RAD51: variants seen among roughly 807,000 people sequenced by gnomAD.
RAD51 encodes the protein RAD51 recombinase.
Under a neutral mutation model 41.5 loss-of-function variants are expected in RAD51, and 14 were observed. The ratio of observed to expected loss-of-function variants is 0.34; its 90% CI spans 0.22 to 0.53. RAD51 has a LOEUF of 0.53. RAD51 is among the 20% of genes least tolerant of loss of function. The pLI, the probability that RAD51 is intolerant of heterozygous loss-of-function variation, is 0.95. For synonymous variants in RAD51, 136 were observed against 148.6 expected (o/e 0.92, Z 0.62); for missense variants, 234 against 422.0 (o/e 0.55, Z 3.90).
At chr15:40,707,783 T>A (rs1170962639) in intron 4 of RAD51, among the ~76,000 whole-genome samples, 2 of 152,102 alleles carry the variant, frequency 1.3e-5, no homozygotes, top group East Asian at 3.9e-4. Context: ...AGTGGCACAA[T>A]CTCGGCTCAT....
intron 3 of RAD51, among the ~76,000 whole-genome samples, chr15:40,704,031 T>G (rs1895167132): frequency 6.6e-6 from 1 of 151,584 alleles, no homozygotes; most frequent in African/African-American, 2.4e-5. Flanking sequence ...GCCTCCCAGG[T>G]AACTAGGACC....
At chr15:40,706,334 GGAAAGC>G in intron 4 of RAD51, 40 bp downstream of exon 4, 2 of 1,460,566 alleles carry the variant, frequency 1.4e-6, no homozygotes, top group Non-Finnish European at 1.9e-6. Context: ...ACTCTAGTTA[GGAAAGC>G]TTCCAGGTTA....
intron 6 of RAD51, among the ~76,000 whole-genome samples, chr15:40,724,670 A>AT (rs757564729): frequency 2.8e-5 from 2 of 72,026 alleles, no homozygotes; most frequent in Admixed American, 1.6e-4. Flanking sequence ...TAATTTTTTT[A>AT]TTTCTTTTTT....
intron 8 of RAD51, 76 bp from the exon 9 acceptor site, chr15:40,729,777 G>C: frequency 1.2e-6 from 2 of 1,611,720 alleles, no homozygotes; most frequent in Middle Eastern, 1.7e-4. Context: ...TTATTTTGTG[G>C]GGGAAAGTGG....
intron 6 of RAD51, among the ~76,000 whole-genome samples, chr15:40,724,803 C>G (rs1417236679): frequency 1.3e-5 from 2 of 149,572 alleles, no homozygotes; most frequent in African/African-American, 4.9e-5. Context: ...CTCAACCTCC[C>G]AAGTAGCTGG....
At position 40,731,398 on chromosome 15, in the gene RAD51, CT is replaced by C; in HGVS notation, c.*221del. 1.8e-6 allele frequency: 1 copy of C among 568,652 alleles called. No homozygotes were observed. Among genetic ancestry groups the C allele is most frequent in the South Asian group, 2.1e-5 (1 of 48,734 alleles). 35.2% of individuals were successfully genotyped at this position (568,652 alleles called of 1,614,324 possible). On this transcript the variant is annotated 3_prime_UTR_variant, in exon 10 of 10. Coordinates refer to ENST00000267868, the MANE Select transcript of RAD51 (RefSeq NM_002875.5). ...TTTATTCCTTCTGTAGTGTATTAAT[CT>C]CTGTGTGTTTTCTTTGGTTTTGGAG...
rs147515779 is a variant in RAD51, at chr15:40,704,700, C to G, written c.226-1477C>G. ...TTTTTTTTTTTTTGAGATGGAATCTCGCTGTGTCTCTCAGGCTGGAGTGCA... is the reference window on the plus strand; with the variant it reads ...TTTTTTTTTTTTTGAGATGGAATCTGGCTGTGTCTCTCAGGCTGGAGTGCA... On this transcript the variant is annotated intron_variant, in intron 3 of 9. Coordinates refer to ENST00000267868, the MANE Select transcript of RAD51 (RefSeq NM_002875.5). Among the ~76,000 whole-genome samples the G allele has an allele frequency of 3.5e-3, 520 of 147,904 alleles. 4 individuals carry two copies. The highest frequency in any genetic ancestry group is 0.012 in the African/African-American group (489 of 40,032).
At chr15:40,708,585 G>A (rs1299286241) in intron 4 of RAD51, among the ~76,000 whole-genome samples, 1 of 151,650 alleles carries the variant, frequency 6.6e-6, no homozygotes, top group African/African-American at 2.4e-5. Context: ...TTATTTGTTT[G>A]TTTGTTTGTT....
intron 5 of RAD51, among the ~76,000 whole-genome samples, chr15:40,717,636 T>C (rs774775614): frequency 2.6e-5 from 4 of 152,210 alleles, no homozygotes; most frequent in Non-Finnish European, 5.9e-5. Context: ...CTACTTATTT[T>C]TCTGTTTTCT....
intron 5 of RAD51, among the ~76,000 whole-genome samples, 170 bp from the exon 6 acceptor site, chr15:40,718,635 C>G (rs1896108940): frequency 6.6e-6 from 1 of 152,106 alleles, no homozygotes; most frequent in African/African-American, 2.4e-5. Flanking sequence ...ACATATTTTT[C>G]TAGCTGTATT....
chr15:40,698,377 C>CG (rs958045716), intron 1 of RAD51, among the ~76,000 whole-genome samples: 4 of 151,700 alleles, frequency 2.6e-5, no homozygotes, highest in African/African-American at 9.7e-5. Context: ...TTAGTAGGGA[C>CG]GGGGTTTCGC....
Position 40,698,766 on chromosome 15 carries a change from T to C in RAD51, c.8T>C (p.Met3Thr), listed in dbSNP as rs374776986. ...CATTTGTATTTTTCAGTAATGGCAA[T>C]GCAGATGCAGCTTGAAGCAAATGCA... is the stretch of plus-strand genomic sequence containing the variant. MA[M>T]QMQLEANADT... Residue 3 changes from methionine (M) to threonine (T), a missense_variant, in exon 2 of 10, where the codon ATG (methionine) becomes ACG (threonine). Physicochemically the swap from Met to Thr is moderately conservative, Grantham distance 81. This residue lies in a region of RAD51 where 100 missense variants were observed against 135.5 expected (regional missense o/e 0.74). Transcript: ENST00000267868. The C allele has an allele frequency of 6.2e-7, 1 of 1,614,078 alleles. No homozygotes were observed. The highest frequency in any genetic ancestry group is 2.2e-5 in the East Asian group (1 of 44,882).
intron 3 of RAD51, among the ~76,000 whole-genome samples, chr15:40,704,451 G>C (rs1354673599): frequency 2.4e-4 from 33 of 139,744 alleles, no homozygotes; most frequent in African/African-American, 7.8e-4. Context: ...AACCTCCGCC[G>C]CCCGGGTTCA....
chr15:40,701,347 TTTTCTTTTCTTTTCTTTTTTTTTTC>T lies in RAD51; in HGVS notation c.225+155_225+179del, dbSNP rs1448565367. On this transcript the variant is annotated intron_variant, in intron 3 of 9. Transcript: ENST00000267868. ...TGACTGTTACCTGTTTCTTTTCTTC[TTTTCTTTTCTTTTCTTTTTTTTTTC>T]TTTCTTTTTTTTTTTTTTTGGAGAC... The T allele has an allele frequency of 2.6e-4, 224 of 846,898 alleles. 1 individual carries two copies. The highest frequency in any genetic ancestry group is 2.5e-3 in the South Asian group (148 of 58,992). The allele number at this position is 846,898 out of a possible 1,614,324, so 52.5% of individuals were successfully genotyped here. A position where few individuals can be genotyped will look rare whatever the true frequency, so the allele number is the denominator to read the frequency against.
At chr15:40,724,889 A>ATTTTTTTTTTTTTTTTTTTTTT (rs34086110) in intron 6 of RAD51, among the ~76,000 whole-genome samples, 3 of 55,410 alleles carry the variant, frequency 5.4e-5, no homozygotes, top group African/African-American at 1.7e-4. Context: ...ATTTTTTTTA[A>ATTTTTTTTTTTTTTTTTTTTTT]TTTTTTTTTT....
intron 7 of RAD51, 106 bp from the exon 8 acceptor site, chr15:40,729,395 AAATC>A: frequency 2.5e-6 from 3 of 1,190,970 alleles, no homozygotes; most frequent in Non-Finnish European, 3.5e-6. Flanking sequence ...AAAAAAAAAA[AAATC>A]TGTATACAGG....
chr15:40,720,224 G>A (rs1455524743), intron 6 of RAD51, among the ~76,000 whole-genome samples: 1 of 151,818 alleles, frequency 6.6e-6, no homozygotes, highest in Non-Finnish European at 1.5e-5. Context: ...TGACTCTCCT[G>A]CCTCAGCCAA....
chr15:40,729,445 A>C, intron 7 of RAD51, 60 bp from the exon 8 acceptor site: 1 of 1,576,368 alleles, frequency 6.3e-7, no homozygotes, highest in Non-Finnish European at 8.7e-7. Context: ...GGTGGTAAGG[A>C]AGGGACCAGA....
chr15:40,698,686 G>A, intron 1 of RAD51, 71 bp from the exon 2 acceptor site: 1 of 1,407,536 alleles, frequency 7.1e-7, no homozygotes, highest in Non-Finnish European at 1.0e-6. Flanking sequence ...CGACTAGCTA[G>A]ATAGAAGATG....
Sources: allele counts gnomAD v4.1 joint callset (sites outside exome capture counted in the v4.1 genomes callset), GRCh38; gene constraint gnomAD v4.1.1; regional missense constraint gnomAD v4.1.1; transcripts MANE v1.5; gene names NCBI Gene and HGNC (gene_info 2026-07-23, HGNC 2026-07-21).